Variants in VEGFC observed in about 807,000 individuals in gnomAD.
VEGFC encodes the protein vascular endothelial growth factor C.
In VEGFC, 12 loss-of-function variants were observed where a neutral mutation model predicts 46.1. The observed-to-expected ratio is 0.26, with a 90% confidence interval of 0.17 to 0.42. The LOEUF is 0.42. Among genes scored for constraint, VEGFC ranks in the 10% least tolerant of loss-of-function variants. The pLI is 1.00. For missense variants in VEGFC, 488 were observed against 529.4 expected (o/e 0.92, Z 0.77); for synonymous variants, 232 against 195.5 (o/e 1.19, Z -1.56).
chr4:176,789,162 T>C (rs1040026501), intron 1 of VEGFC, among the ~76,000 whole-genome samples: 4 of 152,106 alleles, frequency 2.6e-5, no homozygotes, highest in Non-Finnish European at 2.9e-5. Flanking sequence ...GTTGGACACA[T>C]GGAGATAACT....
intron 1 of VEGFC, among the ~76,000 whole-genome samples, chr4:176,739,948 T>C (rs572494119): frequency 0.013 from 309 of 24,514 alleles, 4 homozygotes; most frequent in African/African-American, 0.02. Context: ...ATAGAATATA[T>C]ATAACTATAT....
chr4:176,778,394 G>GAA (rs34591455), intron 1 of VEGFC, among the ~76,000 whole-genome samples: 19 of 150,904 alleles, frequency 1.3e-4, no homozygotes, highest in South Asian at 8.4e-4. Flanking sequence ...ACATATTTAG[G>GAA]AAAAAAAAAA....
At chr4:176,759,577 ATAGAG>A (rs919914566) in intron 1 of VEGFC, among the ~76,000 whole-genome samples, 4 of 152,246 alleles carry the variant, frequency 2.6e-5, no homozygotes, top group East Asian at 3.9e-4. Flanking sequence ...GTAAATAATA[ATAGAG>A]TAGATTTCAA....
intron 1 of VEGFC, among the ~76,000 whole-genome samples, chr4:176,760,550 T>G (rs1735511779): frequency 6.6e-6 from 1 of 152,170 alleles, no homozygotes; most frequent in African/African-American, 2.4e-5. Context: ...CCCAGAGTAG[T>G]AGGTAAGAAA....
intron 4 of VEGFC, among the ~76,000 whole-genome samples, chr4:176,710,305 T>C (rs924298060): frequency 2.6e-5 from 4 of 152,162 alleles, no homozygotes; most frequent in Non-Finnish European, 5.9e-5. Context: ...CTCTCTAGCC[T>C]GCGGGGATGA....
intron 3 of VEGFC, among the ~76,000 whole-genome samples, chr4:176,719,863 C>T (rs997312969): frequency 6.6e-6 from 1 of 152,078 alleles, no homozygotes; most frequent in African/African-American, 2.4e-5. Context: ...GAGTTCGAGA[C>T]CAGCCTGGCC....
At chr4:176,722,163 C>CA (rs930458347) in intron 3 of VEGFC, among the ~76,000 whole-genome samples, 10 of 151,384 alleles carry the variant, frequency 6.6e-5, no homozygotes, top group South Asian at 4.2e-4. Flanking sequence ...CAACCAATAA[C>CA]AAAAAAGCAG....
At chr4:176,781,695 T>C (rs953061241) in intron 1 of VEGFC, among the ~76,000 whole-genome samples, 3 of 152,164 alleles carry the variant, frequency 2.0e-5, no homozygotes, top group African/African-American at 7.2e-5. Flanking sequence ...TCATCCACTC[T>C]TGGGGCAGGG....
At chr4:176,728,318 G>A (rs1345293701) in intron 2 of VEGFC, among the ~76,000 whole-genome samples, 1 of 152,162 alleles carries the variant, frequency 6.6e-6, no homozygotes, top group African/African-American at 2.4e-5. Flanking sequence ...TGTGCAGAGA[G>A]AGTCATGTTC....
chr4:176,758,683 ATTACT>A (rs772567969), intron 1 of VEGFC, among the ~76,000 whole-genome samples: 8 of 152,066 alleles, frequency 5.3e-5, no homozygotes, highest in Non-Finnish European at 8.8e-5. Flanking sequence ...AACCCTAGTG[ATTACT>A]TTAGTTTGTG....
intron 1 of VEGFC, among the ~76,000 whole-genome samples, chr4:176,788,193 C>A (rs1307075978): frequency 2.0e-5 from 3 of 152,326 alleles, no homozygotes; most frequent in South Asian, 2.1e-4. Context: ...TCTTGTTAAG[C>A]CTCCAGTTAA....
At chr4:176,719,859 G>A (rs897532414) in intron 3 of VEGFC, among the ~76,000 whole-genome samples, 1 of 152,068 alleles carries the variant, frequency 6.6e-6, no homozygotes, top group Admixed American at 6.5e-5. Flanking sequence ...TCAGGAGTTC[G>A]AGACCAGCCT....
chr4:176,713,483 CTTAT>C (rs1248085162), intron 3 of VEGFC, among the ~76,000 whole-genome samples: 2 of 151,894 alleles, frequency 1.3e-5, no homozygotes, highest in East Asian at 1.9e-4. Context: ...TATAAAATTA[CTTAT>C]TTTTTATATT....
chr4:176,737,382 G>A lies in VEGFC; in HGVS notation c.148-7636C>T, dbSNP rs7679507. Among the ~76,000 whole-genome samples the A allele has an allele frequency of 6.8e-3, 974 of 143,120 alleles. 6 individuals carry two copies. Among genetic ancestry groups the A allele is most frequent in the African/African-American group, 0.025 (931 of 37,514 alleles). 93.9% of individuals were successfully genotyped at this position (143,120 alleles called of 152,430 possible). On this transcript the variant is annotated intron_variant, in intron 1 of 6. Transcript: ENST00000618562. ...AAATATAGCATATTTTCCAACAAAC[G>A]TTATAATATAATCTCTTTTTAACAT... is the stretch of plus-strand genomic sequence containing the variant.
intron 3 of VEGFC, 74 bp downstream of exon 3, chr4:176,727,704 A>G: frequency 6.8e-7 from 1 of 1,467,664 alleles, no homozygotes; most frequent in Non-Finnish European, 9.1e-7. Context: ...CCAGAAGTTT[A>G]AACACATCAT....
At chr4:176,715,333 T>A (rs912800627) in intron 3 of VEGFC, among the ~76,000 whole-genome samples, 9 of 152,298 alleles carry the variant, frequency 5.9e-5, no homozygotes, top group Middle Eastern at 3.4e-3. Flanking sequence ...TACTTGATGA[T>A]ACCAGTGTGA....
chr4:176,749,751 A>G (rs966705323), intron 1 of VEGFC, among the ~76,000 whole-genome samples: 5 of 151,864 alleles, frequency 3.3e-5, no homozygotes, highest in African/African-American at 1.2e-4. Context: ...TGAAATTGAG[A>G]TAGTATGTCA....
intron 1 of VEGFC, among the ~76,000 whole-genome samples, chr4:176,755,611 T>A (rs116527031): frequency 0.024 from 3,673 of 152,168 alleles, 60 homozygotes; most frequent in Middle Eastern, 0.11. Flanking sequence ...CAAAGTCTAC[T>A]TCTAGGGAAA....
intron 1 of VEGFC, among the ~76,000 whole-genome samples, chr4:176,762,091 T>C (rs1735540569): frequency 6.6e-6 from 1 of 152,214 alleles, no homozygotes; most frequent in South Asian, 2.1e-4. Flanking sequence ...CTATGGTAGC[T>C]GATGTCAGAT....
Sources: allele counts gnomAD v4.1 joint callset (sites outside exome capture counted in the v4.1 genomes callset), GRCh38; gene constraint gnomAD v4.1.1; transcripts MANE v1.5; gene names NCBI Gene and HGNC (gene_info 2026-07-23, HGNC 2026-07-21).